Variants in CTCF observed in about 807,000 individuals in gnomAD.
CTCF encodes transcriptional repressor CTCF.
In CTCF, 7 loss-of-function variants were observed where a neutral mutation model predicts 72.3. The ratio of observed to expected loss-of-function variants is 0.10; its 90% confidence interval spans 0.06 to 0.18. The LOEUF is 0.18. CTCF is among the 10% of genes least tolerant of loss of function. The pLI, the probability that CTCF is intolerant of heterozygous loss-of-function variation, is 1.00. For missense variants in CTCF, 516 were observed against 949.1 expected (o/e 0.54, Z 6.00); for synonymous variants, 374 against 315.8 (o/e 1.18, Z -1.95).
chr16:67,631,177 T>G (rs143016310), intron 10 of CTCF, among the ~76,000 whole-genome samples: 11,697 of 148,550 alleles, frequency 0.079, 842 homozygotes, highest in African/African-American at 0.16. Flanking sequence ...TTTTTGTTTT[T>G]TTTTTGAGAC....
intron 2 of CTCF, among the ~76,000 whole-genome samples, chr16:67,573,106 G>A (rs897585497): frequency 2.6e-5 from 4 of 151,958 alleles, no homozygotes; most frequent in African/African-American, 9.7e-5. Context: ...CAAAAAATTA[G>A]CTGGGTGTAG....
chr16:67,583,665 C>T (rs1002456785), intron 2 of CTCF, among the ~76,000 whole-genome samples: 4 of 149,342 alleles, frequency 2.7e-5, no homozygotes, highest in East Asian at 2.0e-4. Context: ...CCAGCCTGGG[C>T]GACAGAGTGA....
chr16:67,565,470 T>C (rs1402050876), intron 1 of CTCF, among the ~76,000 whole-genome samples: 1 of 151,812 alleles, frequency 6.6e-6, no homozygotes, highest in Non-Finnish European at 1.5e-5. Flanking sequence ...GTCAGGAGAT[T>C]GAGACCATCC....
chr16:67,597,617 G>A (rs536154762), intron 2 of CTCF, among the ~76,000 whole-genome samples: 6 of 152,316 alleles, frequency 3.9e-5, no homozygotes, highest in Admixed American at 3.3e-4. Context: ...GATTACAGGC[G>A]TGAGCCACCA....
At chr16:67,570,668 C>T (rs1273921884) in intron 1 of CTCF, 1 of 148,972 alleles carries the variant, frequency 6.7e-6, no homozygotes, top group East Asian at 2.0e-4. Context: ...GTCTCGATCT[C>T]CTGACCTCGT....
At chr16:67,613,057 C>G (rs1213128827) in intron 4 of CTCF, among the ~76,000 whole-genome samples, 1 of 152,210 alleles carries the variant, frequency 6.6e-6, no homozygotes, top group Non-Finnish European at 1.5e-5. Context: ...TTTGAGCATC[C>G]TACTTACTTT....
Position 67,628,347 on chromosome 16 carries a change from C to G in CTCF, c.1519-23C>G, listed in dbSNP as rs370835711. ...GTAGCCCCATGAGCAGGCTCTGAGG[C>G]CTTTCCCCCTATGCCGTTTCAGGAG... On this transcript the variant is annotated intron_variant, in intron 8 of 11. Transcript: ENST00000264010. The G allele has an allele frequency of 1.8e-5, 29 of 1,606,752 alleles. No homozygotes were observed. In the African/African-American group the frequency reaches 3.3e-4, roughly 19 times the overall value.
In CTCF at chr16:67,637,699, A is replaced by G. The variant is rs1209157275; in HGVS notation, c.2011A>G (p.Ile671Val). 2 of 1,612,514 alleles carry G rather than the reference A, an allele frequency of 1.2e-6. No individual in the cohort carries two copies. Among genetic ancestry groups the G allele is most frequent in the Non-Finnish European group, 1.7e-6 (2 of 1,179,094 alleles). The change falls in exon 12 of 12, where the codon ATT becomes GTT. Residue 671 changes from isoleucine (I) to valine (V), a missense_variant. Ile to Val is a conservative substitution (Grantham distance 29). This residue lies in a region of CTCF where 157 missense variants were observed against 172.9 expected (regional missense o/e 0.91). Coordinates refer to ENST00000264010, the MANE Select transcript of CTCF (RefSeq NM_006565.4). The stretch of plus-strand genomic sequence containing the variant: ...CTCTTCTTTGCCAGCAACAGCTATC[A>G]TTCAGGTTGAAGACCAGAATACAGG... ...QPKQNQPTAI[I>V]QVEDQNTGAI... is the part of the protein sequence containing the mutation.
At chr16:67,576,741 A>G (rs1297739127) in intron 2 of CTCF, among the ~76,000 whole-genome samples, 1 of 152,012 alleles carries the variant, frequency 6.6e-6, no homozygotes, top group Non-Finnish European at 1.5e-5. Flanking sequence ...CATGTTAGCC[A>G]GGATGGTCTG....
rs759108952 is a variant in CTCF, at chr16:67,612,131, A to G, written c.952+10A>G. The G allele has an allele frequency of 5.6e-6, 9 of 1,605,784 alleles. 1 individual carries two copies. The Middle Eastern group carries it at 8.2e-4, about 147-fold the overall frequency. ...CTTAACACACACACAGGTGCTGGAT[A>G]AGAATGTTGGGGGCTACAACAGCAA... On this transcript the variant is annotated intron_variant, in intron 4 of 11. Coordinates refer to ENST00000264010, the MANE Select transcript of CTCF (RefSeq NM_006565.4).
intron 2 of CTCF, among the ~76,000 whole-genome samples, chr16:67,610,178 C>T (rs1382850950): frequency 2.6e-5 from 4 of 152,122 alleles, no homozygotes; most frequent in Admixed American, 1.3e-4. Flanking sequence ...TGAGTATAAT[C>T]TTGCAGTGTT....
chr16:67,609,824 C>G (rs1297123328), intron 2 of CTCF, among the ~76,000 whole-genome samples: 1 of 151,980 alleles, frequency 6.6e-6, no homozygotes, highest in East Asian at 1.9e-4. Context: ...CGGGGTTTCA[C>G]CGTGTTAGCC....
At chr16:67,593,005 G>A (rs1166956305) in intron 2 of CTCF, among the ~76,000 whole-genome samples, 4 of 150,888 alleles carry the variant, frequency 2.7e-5, no homozygotes, top group Non-Finnish European at 4.4e-5. Flanking sequence ...CAGCCTGGGT[G>A]ACAGAGTGAA....
intron 2 of CTCF, among the ~76,000 whole-genome samples, chr16:67,601,249 TGTGTGTTTTG>T (rs2051883504): frequency 7.0e-6 from 1 of 143,784 alleles, no homozygotes; most frequent in African/African-American, 2.5e-5. Context: ...TGTGTGTGTG[TGTGTGTTTTG>T]TTTTGTTTTT....
At chr16:67,567,935 T>C (rs1173276897) in intron 1 of CTCF, 1 of 145,598 alleles carries the variant, frequency 6.9e-6, no homozygotes, top group Admixed American at 7.0e-5. Context: ...TGTCACTGTG[T>C]TGCCCACACT....
At position 67,623,978 on chromosome 16, in the gene CTCF, G is replaced by C. The variant is rs371152491; in HGVS notation, c.1357+2387G>C. Among the ~76,000 whole-genome samples, 11 of 151,654 alleles carry C rather than the reference G, an allele frequency of 7.3e-5. No homozygotes were observed. The East Asian group carries it at 1.6e-3, about 21-fold the overall frequency. ...CAGGAGAATTGCTTCAATCCGGGAG[G>C]GGGAGGTTGCAGTGAGCGGAGATCG... On this transcript the variant is annotated intron_variant, in intron 7 of 11. Coordinates refer to ENST00000264010, the MANE Select transcript of CTCF (RefSeq NM_006565.4).
chr16:67,616,854 C>A lies in CTCF; in HGVS notation c.1062C>A (p.Ser354=). ...KHTHEKPFKC[S]MCDYASVEVS... ...CCCACGAGAAGCCATTCAAGTGTTCCATGTGCGATTACGCCAGTGTAGAAG... is the reference window on the plus strand; with the variant it reads ...CCCACGAGAAGCCATTCAAGTGTTCAATGTGCGATTACGCCAGTGTAGAAG... The change falls in exon 5 of 12, where the codon TCC becomes TCA. Residue 354 remains serine, a synonymous_variant. Coordinates refer to ENST00000264010, the MANE Select transcript of CTCF (RefSeq NM_006565.4). 6.2e-7 allele frequency: 1 copy of A among 1,614,164 alleles called. No individual in the cohort carries two copies. The highest frequency in any genetic ancestry group is 1.7e-5 in the Admixed American group (1 of 60,002).
intron 2 of CTCF, among the ~76,000 whole-genome samples, chr16:67,602,604 G>A (rs534243433): frequency 6.6e-6 from 1 of 152,228 alleles, no homozygotes; most frequent in East Asian, 1.9e-4. Flanking sequence ...CACTTTGGGA[G>A]GCCGAGGCCG....
intron 2 of CTCF, among the ~76,000 whole-genome samples, chr16:67,578,856 G>T (rs541919499): frequency 1.3e-5 from 2 of 152,076 alleles, no homozygotes; most frequent in African/African-American, 4.8e-5. Flanking sequence ...GCTGAGGCAG[G>T]AGAATCGCTT....
Sources: allele counts gnomAD v4.1 joint callset (sites outside exome capture counted in the v4.1 genomes callset), GRCh38; gene constraint gnomAD v4.1.1; regional missense constraint gnomAD v4.1.1; transcripts MANE v1.5; gene names NCBI Gene and HGNC (gene_info 2026-07-23, HGNC 2026-07-21).